The following GLYATL2 variants were observed in gnomAD, a reference collection of about 807,000 sequenced individuals.
GLYATL2 encodes glycine-N-acyltransferase like 2.
GLYATL2 carries 25 observed loss-of-function variants against 21.4 expected under a neutral mutation model. The ratio of observed to expected loss-of-function variants is 1.17; its 90% CI spans 0.85 to 1.63. The LOEUF is 1.63. Among genes scored for constraint, GLYATL2 ranks in the 40% most tolerant of loss-of-function variants. The pLI is 0.00. For missense variants in GLYATL2, 361 were observed against 343.3 expected (o/e 1.05, Z -0.41); for synonymous variants, 114 against 118.2 (o/e 0.96, Z 0.23).
intron 1 of GLYATL2, among the ~76,000 whole-genome samples, chr11:58,883,931 G>A (rs538748467): frequency 1.5e-4 from 23 of 152,224 alleles, no homozygotes; most frequent in African/African-American, 3.9e-4. Context: ...ATCAATAAAC[G>A]TAATCCATCA....
the GLYATL2 span, among the ~76,000 whole-genome samples, chr11:58,909,752 G>A: frequency 0.44 from 66,556 of 151,956 alleles, 15,826 homozygotes; most frequent in Non-Finnish European, 0.54. Flanking sequence ...ATCTCAGAAG[G>A]CTTTCTATCA....
At chr11:58,856,218 A>G (rs1248340378) in intron 1 of GLYATL2, among the ~76,000 whole-genome samples, 2 of 152,102 alleles carry the variant, frequency 1.3e-5, no homozygotes, top group African/African-American at 4.8e-5. Context: ...TTTTTTCTGC[A>G]GCTTCCTCAC....
chr11:58,883,267 A>G (rs1315428934), intron 1 of GLYATL2, among the ~76,000 whole-genome samples: 1 of 152,130 alleles, frequency 6.6e-6, no homozygotes, highest in Non-Finnish European at 1.5e-5. Flanking sequence ...AAAAAAATCA[A>G]TGAATCCAGG....
At chr11:58,873,226 T>C (rs565702237) in intron 1 of GLYATL2, among the ~76,000 whole-genome samples, 1 of 151,810 alleles carries the variant, frequency 6.6e-6, no homozygotes, top group Admixed American at 6.6e-5. Context: ...TCATGTAATG[T>C]GCAAACAGGG....
intron 1 of GLYATL2, among the ~76,000 whole-genome samples, chr11:58,869,590 G>C (rs546243081): frequency 6.6e-6 from 1 of 152,142 alleles, no homozygotes. Flanking sequence ...TTGGATCTTT[G>C]TGTGTATATG....
At chr11:58,857,380 G>A (rs1193975778) in intron 1 of GLYATL2, among the ~76,000 whole-genome samples, 5 of 152,208 alleles carry the variant, frequency 3.3e-5, no homozygotes, top group Non-Finnish European at 7.3e-5. Context: ...AGGGGTGTCT[G>A]TACACCACAG....
chr11:58,865,235 A>G lies in GLYATL2; in HGVS notation n.61-26867T>C, dbSNP rs529076192. On this transcript the variant is annotated intron_variant and non_coding_transcript_variant, in intron 1 of 4. Transcript: ENST00000533636. ...GTGTGACTTGTATTTCAGATTTCTG[A>G]TGGTTACTGAATCTTCCAGATTTTC... Among the ~76,000 whole-genome samples, 4 of 148,944 alleles carry G rather than the reference A, an allele frequency of 2.7e-5. 1 individual carries two copies. Among genetic ancestry groups the G allele is most frequent in the African/African-American group, 9.7e-5 (4 of 41,358 alleles).
intron 1 of GLYATL2, among the ~76,000 whole-genome samples, chr11:58,862,073 A>G (rs1379083928): frequency 6.7e-6 from 1 of 149,166 alleles, no homozygotes; most frequent in Non-Finnish European, 1.5e-5. Context: ...AAAAAAACAG[A>G]TTTTGTTGGG....
intron 5 of GLYATL2, 61 bp downstream of exon 5, chr11:58,836,954 G>T: frequency 7.0e-7 from 1 of 1,435,886 alleles, no homozygotes; most frequent in Non-Finnish European, 9.7e-7. Flanking sequence ...TCCAAGTACA[G>T]CCTTTGTGGC....
At chr11:58,876,099 G>A (rs969009560) in intron 1 of GLYATL2, among the ~76,000 whole-genome samples, 30 of 152,150 alleles carry the variant, frequency 2.0e-4, no homozygotes, top group Non-Finnish European at 3.8e-4. Flanking sequence ...TGAGGCTTGT[G>A]CATTCATCAC....
chr11:58,880,645 A>G (rs1276140222), intron 1 of GLYATL2, among the ~76,000 whole-genome samples: 1 of 152,226 alleles, frequency 6.6e-6, no homozygotes, highest in Non-Finnish European at 1.5e-5. Flanking sequence ...TGGGAAAAAA[A>G]AAGACCAGGT....
intron 1 of GLYATL2, chr11:58,840,818 G>C (rs541611462): frequency 1.4e-5 from 2 of 147,086 alleles, no homozygotes; most frequent in South Asian, 4.2e-4. Flanking sequence ...CAGCCTGGGT[G>C]ACAGTGTGAG....
intron 5 of GLYATL2, among the ~76,000 whole-genome samples, chr11:58,835,556 C>A (rs974619017): frequency 6.6e-6 from 1 of 152,166 alleles, no homozygotes; most frequent in African/African-American, 2.4e-5. Context: ...GGAAGTTTAG[C>A]CCCTCTCCAG....
At chr11:58,875,483 T>C (rs919950624) in intron 1 of GLYATL2, among the ~76,000 whole-genome samples, 6 of 152,232 alleles carry the variant, frequency 3.9e-5, no homozygotes, top group African/African-American at 1.4e-4. Context: ...AGGGCAGGCC[T>C]GGTGGTGACA....
chr11:58,898,631 C>T (rs1203492592), intron 1 of GLYATL2, among the ~76,000 whole-genome samples: 2 of 151,856 alleles, frequency 1.3e-5, no homozygotes, highest in Admixed American at 6.6e-5. Context: ...GTCAGGAGAT[C>T]GAGACCATCC....
chr11:58,866,104 C>T lies in GLYATL2; in HGVS notation n.61-27736G>A, dbSNP rs950609037. Among the ~76,000 whole-genome samples the T allele has an allele frequency of 2.7e-5, 4 of 148,814 alleles. 1 individual carries two copies. The highest frequency in any genetic ancestry group is 6.0e-5 in the Non-Finnish European group (4 of 67,112). ...GATTTCTCTGGAGGCATTGAAACCT[C>T]ATCACCAACCCAGAACAGTTTGGCA... is the stretch of plus-strand genomic sequence containing the variant. On this transcript the variant is annotated intron_variant and non_coding_transcript_variant, in intron 1 of 4. Transcript: ENST00000533636.
intron 1 of GLYATL2, among the ~76,000 whole-genome samples, chr11:58,854,129 C>A (rs1437078383): frequency 1.3e-5 from 2 of 152,128 alleles, no homozygotes; most frequent in Non-Finnish European, 2.9e-5. Flanking sequence ...TTCAAATGAC[C>A]GAATTTCCTT....
rs369245400 is a variant in GLYATL2 at position 58,841,717 on chromosome 11, A to G, written c.-40-2065T>C. ...CTAGGATGATGGGTGCACTAACCAAATGGCACAGCATTCTGCCCATTCTGC... is the reference window on the plus strand; with the variant it reads ...CTAGGATGATGGGTGCACTAACCAAGTGGCACAGCATTCTGCCCATTCTGC... On this transcript the variant is annotated intron_variant, in intron 1 of 5. Transcript: ENST00000287275. Among the ~76,000 whole-genome samples the G allele has an allele frequency of 3.9e-5, 6 of 152,330 alleles. 1 individual carries two copies. Among genetic ancestry groups the G allele is most frequent in the African/African-American group, 1.4e-4 (6 of 41,576 alleles).
chr11:58,888,603 A>G (rs1208462719), intron 1 of GLYATL2, among the ~76,000 whole-genome samples: 2 of 151,914 alleles, frequency 1.3e-5, no homozygotes, highest in East Asian at 3.8e-4. Context: ...TTTGTCATAT[A>G]ACATGTTTAT....
Sources: allele counts gnomAD v4.1 joint callset (sites outside exome capture counted in the v4.1 genomes callset), GRCh38; gene constraint gnomAD v4.1.1; transcripts MANE v1.5; gene names NCBI Gene and HGNC (gene_info 2026-07-23, HGNC 2026-07-21).